The following ZCWPW2 variants were observed in gnomAD, a reference collection of about 807,000 sequenced individuals.
ZCWPW2 encodes zinc finger CW-type PWWP domain protein 2.
In ZCWPW2, 45 loss-of-function variants were observed where a neutral mutation model predicts 46.6. That is an observed-to-expected ratio of 0.96 (90% CI 0.76 to 1.24). The LOEUF is 1.24. Among genes scored for constraint, ZCWPW2 ranks in the 50% most tolerant of loss-of-function variants. The pLI, the probability that ZCWPW2 is intolerant of heterozygous loss-of-function variation, is 0.00. For synonymous variants in ZCWPW2, 152 were observed against 137.1 expected, an observed-to-expected ratio of 1.11 and a Z score of -0.76; for missense variants, 429 against 403.9, an observed-to-expected ratio of 1.06 and a Z score of -0.53.
chr3:28,414,614 C>G (rs1294887331), intron 3 of ZCWPW2, among the ~76,000 whole-genome samples: 3 of 115,286 alleles, frequency 2.6e-5, no homozygotes. Context: ...CCCCTCCCCC[C>G]ACCCCACAAC....
intron 5 of ZCWPW2, among the ~76,000 whole-genome samples, chr3:28,489,704 A>ACACC (rs1274002948): frequency 1.4e-5 from 2 of 145,276 alleles, no homozygotes; most frequent in Admixed American, 1.4e-4. Context: ...ACACACACAC[A>ACACC]CCCCATGTCT....
At chr3:28,454,381 A>G (rs531559030) in intron 4 of ZCWPW2, among the ~76,000 whole-genome samples, 1 of 152,312 alleles carries the variant, frequency 6.6e-6, no homozygotes, top group East Asian at 1.9e-4. Context: ...ATACTATTAA[A>G]TTTTGTGGAT....
Position 28,525,499 on chromosome 3 carries a change from G to A in ZCWPW2, c.*811G>A, listed in dbSNP as rs1278719697. On this transcript the variant is annotated 3_prime_UTR_variant, in exon 10 of 10. Coordinates refer to ENST00000383768, the MANE Select transcript of ZCWPW2 (RefSeq NM_001040432.4). The stretch of plus-strand genomic sequence containing the variant: ...GCATTCACACCTATCTTTAGTTCCT[G>A]CTCTATCTCTTTCTGGTGGTACGGG... Among the ~76,000 whole-genome samples the A allele has an allele frequency of 1.6e-5, 2 of 123,832 alleles. No individual in the cohort carries two copies. The highest frequency in any genetic ancestry group is 3.5e-5 in the Non-Finnish European group (2 of 56,350). 81.2% of individuals were successfully genotyped at this position (123,832 alleles called of 152,430 possible).
intron 3 of ZCWPW2, among the ~76,000 whole-genome samples, chr3:28,428,674 C>T (rs1181513901): frequency 2.6e-5 from 4 of 152,170 alleles, no homozygotes; most frequent in South Asian, 4.1e-4. Context: ...GTAATCTCCA[C>T]GTGTTGGGGG....
chr3:28,436,802 T>G (rs1697519758), intron 4 of ZCWPW2, among the ~76,000 whole-genome samples: 1 of 152,178 alleles, frequency 6.6e-6, no homozygotes, highest in Non-Finnish European at 1.5e-5. Flanking sequence ...CCTAGATAGT[T>G]CTGCTGGCAA....
chr3:28,480,795 T>G (rs989713720), intron 5 of ZCWPW2, among the ~76,000 whole-genome samples: 2 of 152,128 alleles, frequency 1.3e-5, no homozygotes, highest in African/African-American at 2.4e-5. Flanking sequence ...AGTTTCAATT[T>G]TCTGCATATG....
intron 2 of ZCWPW2, among the ~76,000 whole-genome samples, chr3:28,412,415 T>G (rs937735582): frequency 2.0e-5 from 3 of 152,062 alleles, no homozygotes; most frequent in Non-Finnish European, 2.9e-5. Context: ...TGAAATATTT[T>G]GCTGCATTTG....
Position 28,452,983 on chromosome 3 carries a change from T to C in ZCWPW2, c.492+17714T>C, listed in dbSNP as rs143892170. Among the ~76,000 whole-genome samples, 386 of 151,710 alleles carry C rather than the reference T, an allele frequency of 2.5e-3. 1 individual carries two copies. Among genetic ancestry groups the C allele is most frequent in the African/African-American group, 8.5e-3 (350 of 41,018 alleles). On this transcript the variant is annotated intron_variant, in intron 4 of 9. Transcript: ENST00000383768. ...TCTTATTCTTTGATTCTTCAGTACA[T>C]GACTGAAATGAGACCATTGCTGCAA...
intron 1 of ZCWPW2, chr3:28,351,726 T>A (rs934329716): frequency 2.0e-5 from 3 of 151,782 alleles, no homozygotes; most frequent in South Asian, 4.2e-4. Context: ...GGGTCATATT[T>A]TTTGTTTCTT....
At chr3:28,519,156 G>T (rs1233097284) in intron 8 of ZCWPW2, among the ~76,000 whole-genome samples, 1 of 152,124 alleles carries the variant, frequency 6.6e-6, no homozygotes, top group African/African-American at 2.4e-5. Flanking sequence ...TTAATTACAG[G>T]CTTTGCTTGT....
intron 1 of ZCWPW2, among the ~76,000 whole-genome samples, chr3:28,389,748 C>A (rs1695414585): frequency 6.6e-6 from 1 of 152,100 alleles, no homozygotes; most frequent in East Asian, 1.9e-4. Flanking sequence ...ACATCTCATG[C>A]AATTGTGGAT....
intron 4 of ZCWPW2, among the ~76,000 whole-genome samples, chr3:28,462,740 T>G (rs1218782023): frequency 6.6e-6 from 1 of 152,244 alleles, no homozygotes; most frequent in African/African-American, 2.4e-5. Flanking sequence ...CATGAATTTC[T>G]GCCAGATTGC....
chr3:28,428,635 G>T (rs1670576105), intron 3 of ZCWPW2, among the ~76,000 whole-genome samples: 2 of 152,134 alleles, frequency 1.3e-5, no homozygotes, highest in Admixed American at 1.3e-4. Context: ...TAACCCACCT[G>T]AATCTCATCT....
chr3:28,427,068 T>G (rs1697043131), intron 3 of ZCWPW2, among the ~76,000 whole-genome samples: 1 of 152,246 alleles, frequency 6.6e-6, no homozygotes, highest in Non-Finnish European at 1.5e-5. Flanking sequence ...TTGTTGCATT[T>G]GTGCATTTTA....
At chr3:28,378,012 G>C (rs1705557951) in intron 1 of ZCWPW2, among the ~76,000 whole-genome samples, 1 of 151,968 alleles carries the variant, frequency 6.6e-6, no homozygotes, top group South Asian at 2.1e-4. Flanking sequence ...GACTTTGGAT[G>C]AAACCTATCA....
chr3:28,370,278 C>G lies in ZCWPW2; in HGVS notation c.-133-20220C>G, dbSNP rs542495350. ...CTGGGAACTGTAGACTGGAGCTGTT[C>G]CTATTTGGCCATCTTTGCTTCACCC... On this transcript the variant is annotated intron_variant, in intron 1 of 9. Transcript: ENST00000383768. Among the ~76,000 whole-genome samples, 9 of 152,262 alleles carry G rather than the reference C, an allele frequency of 5.9e-5. No homozygotes were observed. The East Asian group carries it at 1.7e-3, about 29-fold the overall frequency.
At chr3:28,397,887 T>A (rs1695768076) in intron 2 of ZCWPW2, among the ~76,000 whole-genome samples, 1 of 152,238 alleles carries the variant, frequency 6.6e-6, no homozygotes, top group Non-Finnish European at 1.5e-5. Context: ...TAAATTCAGG[T>A]GAACTAGTAA....
intron 2 of ZCWPW2, among the ~76,000 whole-genome samples, chr3:28,411,454 C>G (rs1696395804): frequency 6.6e-6 from 1 of 151,584 alleles, no homozygotes; most frequent in South Asian, 2.1e-4. Flanking sequence ...TCGAAGCATT[C>G]TCTTTAAAAT....
intron 1 of ZCWPW2, among the ~76,000 whole-genome samples, chr3:28,380,968 ATATTTG>A (rs1559480719): frequency 0.036 from 1,024 of 28,788 alleles, 301 homozygotes; most frequent in Admixed American, 0.066. Context: ...ATATATATAT[ATATTTG>A]GTATATATAT....
Sources: gnomAD v4.1 joint callset for allele counts (sites outside exome capture counted in the v4.1 genomes callset) on GRCh38, gnomAD v4.1.1 for gene constraint, MANE v1.5 for transcripts, NCBI Gene and HGNC (gene_info 2026-07-23, HGNC 2026-07-21) for gene names.